The following CSMD1 variants were observed in gnomAD, a reference collection of about 807,000 sequenced individuals.
CSMD1 encodes the protein CUB and sushi domain-containing protein 1.
Under a neutral mutation model 417.5 loss-of-function variants are expected in CSMD1, and 213 were observed. The ratio of observed to expected loss-of-function variants is 0.51; its 90% CI spans 0.46 to 0.57. CSMD1 has a LOEUF of 0.57. Ranked by LOEUF, CSMD1 falls within the 20% of genes least tolerant of loss-of-function variation. The pLI is 0.00. For missense variants in CSMD1, 6,923 were observed against 4,529.7 expected (o/e 1.53, Z -15.17); for synonymous variants, 2,862 against 1,736.8 (o/e 1.65, Z -16.11).
At chr8:3,632,109 A>C (rs1796810785) in intron 7 of CSMD1, among the ~76,000 whole-genome samples, 1 of 152,200 alleles carries the variant, frequency 6.6e-6, no homozygotes, top group African/African-American at 2.4e-5. Flanking sequence ...ACCAGAATAA[A>C]ATTGAGCAAA....
Position 3,272,252 on chromosome 8 carries a change from G to T in CSMD1, c.4153+11892C>A, listed in dbSNP as rs370450824. 4.6e-4 allele frequency among the ~76,000 whole-genome samples: 62 copies of T among 134,790 alleles called. 2 individuals carry two copies. The highest frequency in any genetic ancestry group is 1.5e-3 in the East Asian group (7 of 4,594). The allele number at this position is 134,790 out of a possible 152,430, so 88.4% of individuals were successfully genotyped here. On this transcript the variant is annotated intron_variant, in intron 26 of 69. Transcript: ENST00000635120. ...GATCAGATAGTTGTAGATATGCGGC[G>T]TTATTTCTGAGGGCTCTGTTCTATT... is the stretch of plus-strand genomic sequence containing the variant.
At chr8:3,711,240 T>C (rs1309831292) in intron 6 of CSMD1, among the ~76,000 whole-genome samples, 1 of 152,138 alleles carries the variant, frequency 6.6e-6, no homozygotes, top group East Asian at 1.9e-4. Context: ...AAGTCCAATG[T>C]GGTTACATGG....
chr8:3,505,996 T>A (rs577252580), intron 10 of CSMD1, among the ~76,000 whole-genome samples: 1 of 152,174 alleles, frequency 6.6e-6, no homozygotes, highest in Admixed American at 6.5e-5. Context: ...AATACACGTA[T>A]GTATATTTAT....
intron 3 of CSMD1, among the ~76,000 whole-genome samples, chr8:4,399,115 G>C (rs11992667): frequency 0.2 from 29,770 of 152,052 alleles, 3,120 homozygotes; most frequent in Admixed American, 0.25. Flanking sequence ...AGCTTTAAGA[G>C]TTTTGTGTTT....
At chr8:4,949,901 T>G (rs1017005063) in intron 1 of CSMD1, among the ~76,000 whole-genome samples, 2 of 132,556 alleles carry the variant, frequency 1.5e-5, no homozygotes, top group Non-Finnish European at 3.3e-5. Flanking sequence ...CAATTACTTT[T>G]GCACCAACTT....
intron 7 of CSMD1, among the ~76,000 whole-genome samples, chr8:3,624,491 C>A (rs957587609): frequency 1.3e-5 from 2 of 152,172 alleles, no homozygotes; most frequent in Non-Finnish European, 2.9e-5. Context: ...TTATTATTGT[C>A]TATTTTCATT....
intron 2 of CSMD1, among the ~76,000 whole-genome samples, chr8:4,428,172 T>A (rs1449406278): frequency 6.6e-6 from 1 of 152,178 alleles, no homozygotes; most frequent in Non-Finnish European, 1.5e-5. Flanking sequence ...CTGGCTTCAC[T>A]TAAAAGGAAA....
chr8:2,969,259 C>T (rs1398764983), intron 57 of CSMD1, among the ~76,000 whole-genome samples: 2 of 152,148 alleles, frequency 1.3e-5, no homozygotes, highest in Admixed American at 1.3e-4. Context: ...TTTTCATCAT[C>T]ATCACTCTTA....
chr8:3,557,406 T>C (rs1397532124), intron 10 of CSMD1, among the ~76,000 whole-genome samples: 2 of 152,196 alleles, frequency 1.3e-5, no homozygotes, highest in Non-Finnish European at 2.9e-5. Context: ...TTATGGGTCT[T>C]CACTATTTGC....
chr8:3,832,024 C>G (rs1563125037), intron 5 of CSMD1, among the ~76,000 whole-genome samples: 2 of 152,130 alleles, frequency 1.3e-5, no homozygotes, highest in Admixed American at 6.6e-5. Context: ...AATCTCTGTC[C>G]TTCTCTGCGT....
At chr8:3,770,724 G>C (rs1406166611) in intron 5 of CSMD1, among the ~76,000 whole-genome samples, 1 of 152,092 alleles carries the variant, frequency 6.6e-6, no homozygotes, top group Middle Eastern at 3.4e-3. Flanking sequence ...CATGATGGTA[G>C]CTCTCTTTCC....
chr8:4,292,527 C>CA (rs1222571627), intron 3 of CSMD1, among the ~76,000 whole-genome samples: 3 of 152,132 alleles, frequency 2.0e-5, no homozygotes, highest in African/African-American at 7.2e-5. Flanking sequence ...GCTGGGATTA[C>CA]AGCCCAGGCG....
intron 12 of CSMD1, among the ~76,000 whole-genome samples, chr8:3,452,112 CTGTT>C (rs1563051887): frequency 6.6e-6 from 1 of 152,132 alleles, no homozygotes; most frequent in South Asian, 2.1e-4. Flanking sequence ...ATTTGGCTCT[CTGTT>C]TGTCTGTTAT....
rs556647997 is a variant in CSMD1, at chr8:3,810,553, C to G, written c.819-56511G>C. On this transcript the variant is annotated intron_variant, in intron 5 of 69. Coordinates refer to ENST00000635120, the MANE Select transcript of CSMD1 (RefSeq NM_033225.6). ...CTCCTTGGTGTGGTCTGTAATCAAC[C>G]GAGGGTCAGTCTACAAGGGTTAGAA... 1.2e-4 allele frequency among the ~76,000 whole-genome samples: 18 copies of G among 152,180 alleles called. No homozygotes were observed. In the East Asian group the frequency reaches 3.3e-3, roughly 28 times the overall value.
intron 3 of CSMD1, among the ~76,000 whole-genome samples, chr8:4,418,032 G>A (rs781353312): frequency 3.3e-5 from 5 of 151,734 alleles, no homozygotes; most frequent in African/African-American, 1.2e-4. Flanking sequence ...ACTCATTTTT[G>A]CAGGAGACCT....
At chr8:3,115,250 G>A (rs529607458) in intron 42 of CSMD1, among the ~76,000 whole-genome samples, 120 of 135,890 alleles carry the variant, frequency 8.8e-4, no homozygotes, top group African/African-American at 3.1e-3. Flanking sequence ...CACCCAGGCT[G>A]GAGTGCAATG....
At chr8:3,229,976 C>A in intron 27 of CSMD1, 64 bp downstream of exon 27, 3 of 1,096,534 alleles carry the variant, frequency 2.7e-6, no homozygotes, top group Non-Finnish European at 3.8e-6. Context: ...ATTTACGGAG[C>A]GCTTTTAACG....
chr8:4,888,654 A>C (rs1803910210), intron 1 of CSMD1, among the ~76,000 whole-genome samples: 1 of 152,144 alleles, frequency 6.6e-6, no homozygotes, highest in African/African-American at 2.4e-5. Flanking sequence ...CACCATAAAT[A>C]TCATTTGCCA....
chr8:3,787,000 A>C (rs1799489537), intron 5 of CSMD1, among the ~76,000 whole-genome samples: 1 of 152,168 alleles, frequency 6.6e-6, no homozygotes, highest in African/African-American at 2.4e-5. Flanking sequence ...ATGGAAGCTG[A>C]GGGTCAGGAT....
Sources: gnomAD v4.1 joint callset for allele counts (sites outside exome capture counted in the v4.1 genomes callset) on GRCh38, gnomAD v4.1.1 for gene constraint, MANE v1.5 for transcripts, NCBI Gene and HGNC (gene_info 2026-07-23, HGNC 2026-07-21) for gene names.